EPHA7: variants seen among roughly 807,000 people sequenced by gnomAD.
EPHA7 encodes ephrin type-A receptor 7.
Under a neutral mutation model 112.6 loss-of-function variants are expected in EPHA7, and 25 were observed. That is an observed-to-expected ratio of 0.22 (90% CI 0.16 to 0.31). The LOEUF (loss-of-function observed/expected upper bound fraction) is 0.31, where lower values mean the gene tolerates loss of function less well. EPHA7 is among the 10% of genes least tolerant of loss of function. EPHA7 has a pLI of 1.00. For missense variants in EPHA7, 962 were observed against 1,212.6 expected (o/e 0.79, Z 3.07); for synonymous variants, 437 against 406.5 (o/e 1.07, Z -0.90).
In EPHA7 at chr6:93,344,716, A is replaced by G. The variant is rs755658936; in HGVS notation, c.1324+12001T>C. On this transcript the variant is annotated intron_variant, in intron 5 of 16. Transcript: ENST00000369303. ...GTAGACTTTCTTGTGTCTTCATTCT[A>G]TTGACCTCCTGTGACACTTGATTCT... Among the ~76,000 whole-genome samples the G allele has an allele frequency of 4.0e-5, 6 of 151,494 alleles. No homozygotes were observed. In the East Asian group the frequency reaches 1.2e-3, roughly 29 times the overall value.
chr6:93,314,368 C>A lies in EPHA7; in HGVS notation c.1325-41946G>T, dbSNP rs368846799. On this transcript the variant is annotated intron_variant, in intron 5 of 16. Coordinates refer to ENST00000369303, the MANE Select transcript of EPHA7 (RefSeq NM_004440.4). ...ATCCTTATTACTATTGTGATTACAA[C>A]TGCAGAGATGAAGAATCTCAGGCTT... is the stretch of plus-strand genomic sequence containing the variant. Among the ~76,000 whole-genome samples the A allele has an allele frequency of 3.3e-5, 5 of 152,262 alleles. No homozygotes were observed. In the East Asian group the frequency reaches 9.7e-4, roughly 29 times the overall value.
intron 6 of EPHA7, 33 bp from the exon 7 acceptor site, chr6:93,269,693 G>T: frequency 6.9e-7 from 1 of 1,455,266 alleles, no homozygotes; most frequent in Non-Finnish European, 9.1e-7. Context: ...ATATTTAATT[G>T]TGATTGCAAC....
At chr6:93,403,787 G>A (rs118111314) in intron 3 of EPHA7, among the ~76,000 whole-genome samples, 1,943 of 151,966 alleles carry the variant, frequency 0.013, 23 homozygotes, top group Admixed American at 0.021. Flanking sequence ...TGGTAACTAC[G>A]TAGGAAAAAA....
rs140478100 is a variant in EPHA7 at position 93,388,849 on chromosome 6, G to T, written c.832+21652C>A. Among the ~76,000 whole-genome samples, 111 of 152,106 alleles carry T rather than the reference G, an allele frequency of 7.3e-4. 1 individual carries two copies. The East Asian group carries it at 0.02, about 28-fold the overall frequency. On this transcript the variant is annotated intron_variant, in intron 3 of 16. Transcript: ENST00000369303. ...AGGATTTTGATTAAATATTAAGAAAGATCTTAGAAACTATGGGAGGAAATG... is the reference window on the plus strand; with the variant it reads ...AGGATTTTGATTAAATATTAAGAAATATCTTAGAAACTATGGGAGGAAATG...
Position 93,255,948 on chromosome 6 carries a change from A to G in EPHA7, c.2262T>C (p.Tyr754=). ...AGMRYLADMG[Y]VHRDLAARNI... ...TGCGAGCTGCAAGGTCCCTGTGAACATATCCCATATCAGCCAAATATCTCA... is the reference window on the plus strand; with the variant it reads ...TGCGAGCTGCAAGGTCCCTGTGAACGTATCCCATATCAGCCAAATATCTCA... The change falls in exon 13 of 17, where the codon TAT becomes TAC. Residue 754 remains tyrosine (Y), a synonymous_variant. Transcript: ENST00000369303. 2 of 1,614,090 alleles carry G rather than the reference A, an allele frequency of 1.2e-6. No homozygotes were observed. Among genetic ancestry groups the G allele is most frequent in the Non-Finnish European group, 1.7e-6 (2 of 1,179,996 alleles).
At chr6:93,346,147 T>C (rs1775396604) in intron 5 of EPHA7, among the ~76,000 whole-genome samples, 1 of 151,682 alleles carries the variant, frequency 6.6e-6, no homozygotes, top group African/African-American at 2.4e-5. Flanking sequence ...AACCTAAATA[T>C]GTACTTAAAA....
Position 93,368,198 on chromosome 6 carries a change from T to C in EPHA7, c.833-9787A>G, listed in dbSNP as rs367670089. 7.2e-5 allele frequency among the ~76,000 whole-genome samples: 11 copies of C among 152,158 alleles called. No individual in the cohort carries two copies. The East Asian group carries it at 1.3e-3, about 19-fold the overall frequency. ...AGCTAATTAAATTTCTGATATTTAATAGTAAATTACTTATATAAATTATAA... is the reference window on the plus strand; with the variant it reads ...AGCTAATTAAATTTCTGATATTTAACAGTAAATTACTTATATAAATTATAA... On this transcript the variant is annotated intron_variant, in intron 3 of 16. Transcript: ENST00000369303.
intron 5 of EPHA7, among the ~76,000 whole-genome samples, chr6:93,344,441 T>C (rs759671905): frequency 1.6e-4 from 25 of 151,642 alleles, no homozygotes; most frequent in Non-Finnish European, 3.2e-4. Context: ...ACAAAGGCAG[T>C]AATTTTTTCC....
chr6:93,339,344 A>G (rs1282306889), intron 5 of EPHA7, among the ~76,000 whole-genome samples: 2 of 151,794 alleles, frequency 1.3e-5, no homozygotes, highest in African/African-American at 4.8e-5. Flanking sequence ...GAGACTGAAG[A>G]CAACATTAAT....
chr6:93,276,164 G>A (rs966619486), intron 5 of EPHA7, among the ~76,000 whole-genome samples: 2 of 151,926 alleles, frequency 1.3e-5, no homozygotes, highest in African/African-American at 4.8e-5. Flanking sequence ...GGTTACAGAC[G>A]TTAAAATAAA....
intron 5 of EPHA7, among the ~76,000 whole-genome samples, chr6:93,295,320 T>C: frequency 6.6e-6 from 1 of 152,100 alleles, no homozygotes; most frequent in East Asian, 1.9e-4. Context: ...TAGTTAATAT[T>C]TTACACTTCT....
At chr6:93,358,541 A>G in intron 3 of EPHA7, 130 bp from the exon 4 acceptor site, 1 of 746,350 alleles carries the variant, frequency 1.3e-6, no homozygotes, top group East Asian at 3.0e-5. Flanking sequence ...ATGATAAAAT[A>G]TTCATTTTAG....
chr6:93,370,170 C>T (rs1228583320), intron 3 of EPHA7, among the ~76,000 whole-genome samples: 2 of 152,086 alleles, frequency 1.3e-5, no homozygotes, highest in South Asian at 4.1e-4. Context: ...TCTCTGAACA[C>T]AGGGGAGAAA....
At chr6:93,399,531 A>G (rs1052907573) in intron 3 of EPHA7, among the ~76,000 whole-genome samples, 1 of 152,086 alleles carries the variant, frequency 6.6e-6, no homozygotes. Context: ...AGATTTCCAT[A>G]GAAAAGAAAT....
chr6:93,375,578 C>G lies in EPHA7; in HGVS notation c.833-17167G>C, dbSNP rs185103784. On this transcript the variant is annotated intron_variant, in intron 3 of 16. Coordinates refer to ENST00000369303, the MANE Select transcript of EPHA7 (RefSeq NM_004440.4). Reference sequence around the variant, plus strand: ...AGTTACAGTGAGCCTAGCAGAGAGACCTTGACTCAAAAAACAAACAAAAAA... The same window carrying G: ...AGTTACAGTGAGCCTAGCAGAGAGAGCTTGACTCAAAAAACAAACAAAAAA... 3.0e-3 allele frequency among the ~76,000 whole-genome samples: 453 copies of G among 150,670 alleles called. 3 individuals are homozygous for G. The highest frequency in any genetic ancestry group is 0.011 in the African/African-American group (433 of 41,048).
chr6:93,315,774 T>C (rs904224625), intron 5 of EPHA7, among the ~76,000 whole-genome samples: 4 of 152,194 alleles, frequency 2.6e-5, no homozygotes, highest in African/African-American at 9.7e-5. Flanking sequence ...ATCAATTTCA[T>C]GGCCTATGAA....
At chr6:93,245,213 T>C (rs1769892312) in intron 16 of EPHA7, 85 bp downstream of exon 16, 2 of 1,274,074 alleles carry the variant, frequency 1.6e-6, no homozygotes, top group East Asian at 2.5e-5. Flanking sequence ...TCAAATTCTT[T>C]TAATATAAAG....
intron 5 of EPHA7, among the ~76,000 whole-genome samples, chr6:93,320,747 A>T (rs549726506): frequency 1.1e-4 from 17 of 152,094 alleles, no homozygotes; most frequent in African/African-American, 4.1e-4. Context: ...TAATTTGGAA[A>T]ATTATATTTA....
At chr6:93,262,404 C>T (rs1770728255) in intron 9 of EPHA7, among the ~76,000 whole-genome samples, 1 of 150,156 alleles carries the variant, frequency 6.7e-6, no homozygotes, top group Non-Finnish European at 1.5e-5. Context: ...CACACATATT[C>T]AGTCATATTC....
Sources: allele counts gnomAD v4.1 joint callset (sites outside exome capture counted in the v4.1 genomes callset), GRCh38; gene constraint gnomAD v4.1.1; transcripts MANE v1.5; gene names NCBI Gene and HGNC (gene_info 2026-07-23, HGNC 2026-07-21).